TPCN1: variants seen among roughly 807,000 people sequenced by gnomAD.
TPCN1 encodes two pore channel protein 1.
Under a neutral mutation model 108.8 loss-of-function variants are expected in TPCN1, and 52 were observed. That is an observed-to-expected ratio of 0.48 (90% CI 0.38 to 0.60). TPCN1 has a LOEUF of 0.60. Ranked by LOEUF, TPCN1 falls within the 20% of genes least tolerant of loss-of-function variation. The probability of loss-of-function intolerance (pLI) is 0.00; values close to 1 mark genes in which losing one functional copy is unlikely to be tolerated. For missense variants in TPCN1, 806 were observed against 1,072.8 expected, an observed-to-expected ratio of 0.75 and a Z score of 3.47; for synonymous variants, 446 against 433.7, an observed-to-expected ratio of 1.03 and a Z score of -0.35.
At chr12:113,281,113 C>T (rs1439414259) in intron 15 of TPCN1, among the ~76,000 whole-genome samples, 3 of 152,002 alleles carry the variant, frequency 2.0e-5, no homozygotes, top group Non-Finnish European at 4.4e-5. Flanking sequence ...AATCTGTGCT[C>T]ACTGCAACCT....
intron 10 of TPCN1, 148 bp from the exon 11 acceptor site, chr12:113,276,771 C>CGG: frequency 1.5e-6 from 1 of 649,888 alleles, no homozygotes; most frequent in Non-Finnish European, 2.8e-6. Flanking sequence ...CTTCCTACCC[C>CGG]ATGAGGTGCA....
chr12:113,291,022 G>A, intron 23 of TPCN1, 24 bp downstream of exon 23: 1 of 1,612,120 alleles, frequency 6.2e-7, no homozygotes, highest in Non-Finnish European at 8.5e-7. Flanking sequence ...CAGCTCTGGG[G>A]GTATCTTCCC....
rs148897743 is a variant in TPCN1 at position 113,289,229 on chromosome 12, C to A, written c.1796+382C>A. Among the ~76,000 whole-genome samples, 2 of 152,204 alleles carry A rather than the reference C, an allele frequency of 1.3e-5. No homozygotes were observed. Among genetic ancestry groups the A allele is most frequent in the African/African-American group, 4.8e-5 (2 of 41,444 alleles). On this transcript the variant is annotated intron_variant, in intron 21 of 27. Coordinates refer to ENST00000335509, the MANE Select transcript of TPCN1 (RefSeq NM_017901.6). This position sits in a 1 kb window ranked among gnomAD's most constrained non-coding sequence, Gnocchi z 4.1. Reference sequence around the variant, plus strand: ...CATCGTAGGATAAGACAGACGGACACGTGCAGGAAGGTCATGGTGCTCAGG... The same window carrying A: ...CATCGTAGGATAAGACAGACGGACAAGTGCAGGAAGGTCATGGTGCTCAGG...
chr12:113,222,593 A>G (rs1953283717), intron 1 of TPCN1, among the ~76,000 whole-genome samples: 1 of 152,258 alleles, frequency 6.6e-6, no homozygotes, highest in African/African-American at 2.4e-5. Flanking sequence ...GGGCAAAGGC[A>G]GTACAGGCAG....
rs768328570 is a variant in TPCN1 at position 113,296,083 on chromosome 12, G to A, written c.*7G>A. On this transcript the variant is annotated 3_prime_UTR_variant, in exon 28 of 28. Coordinates refer to ENST00000335509, the MANE Select transcript of TPCN1 (RefSeq NM_017901.6). ...CTCCCAGACCGTTACCTAGCCCAGCGCCCGAAAGCCGTCTCTTCTATGCAA... is the reference window on the plus strand; with the variant it reads ...CTCCCAGACCGTTACCTAGCCCAGCACCCGAAAGCCGTCTCTTCTATGCAA... The A allele has an allele frequency of 1.9e-5, 30 of 1,612,108 alleles. No individual in the cohort carries two copies. The South Asian group carries it at 1.9e-4, about 10-fold the overall frequency.
chr12:113,292,151 G>A (rs2303616), intron 25 of TPCN1, 193 bp downstream of exon 25: 53,571 of 583,470 alleles, frequency 0.092, 3,199 homozygotes, highest in East Asian at 0.23. Context: ...GTCAGAAAAC[G>A]TAATCTAACT....
At position 113,287,077 on chromosome 12, in the gene TPCN1, C is replaced by T. The variant is rs763873218; in HGVS notation, c.1617C>T (p.Arg539=). Residue 539 remains arginine (R), a synonymous_variant, in exon 19 of 28, where the codon CGC becomes CGT. Transcript: ENST00000335509. ...CCTTCTATTTCATCGTGGTCCTGCGCCCCCTCCAGCTGCTGAGGTGATGGG... is the reference window on the plus strand; with the variant it reads ...CCTTCTATTTCATCGTGGTCCTGCGTCCCCTCCAGCTGCTGAGGTGATGGG... ...MEPFYFIVVL[R]PLQLLRLFKL... is the part of the protein sequence containing the mutation. 6.2e-6 allele frequency: 10 copies of T among 1,613,416 alleles called. No individual in the cohort carries two copies. In the Admixed American group the frequency reaches 8.3e-5, roughly 13 times the overall value.
chr12:113,267,964 G>T lies in TPCN1; in HGVS notation c.528+8G>T, dbSNP rs1955335167. On this transcript the variant is annotated splice_region_variant and intron_variant, in intron 5 of 27. Transcript: ENST00000335509. ...AAGCGGACCATGGTCAAGGTGATGT[G>T]TCCGCCCATCTGTCCCTCCCCTCAC... 3 of 1,592,670 alleles carry T rather than the reference G, an allele frequency of 1.9e-6. No individual in the cohort carries two copies. Among genetic ancestry groups the T allele is most frequent in the Non-Finnish European group, 2.6e-6 (3 of 1,162,840 alleles).
Position 113,280,195 on chromosome 12 carries a change from TGTAA to T in TPCN1, c.1342+3_1342+6del. ...GTCCAAGGCCTTCCAGTATTTCATGTGTAAGTGTGAAATATCTCCACTCTAGGCC... is the reference window on the plus strand; with the variant it reads ...GTCCAAGGCCTTCCAGTATTTCATGTGTGTGAAATATCTCCACTCTAGGCC... On this transcript the variant is annotated splice_donor_variant and splice_donor_region_variant and intron_variant, in intron 15 of 27. Transcript: ENST00000335509. LOFTEE classifies it high-confidence loss of function. 1.9e-6 allele frequency: 3 copies of T among 1,608,196 alleles called. No homozygotes were observed. Among genetic ancestry groups the T allele is most frequent in the Non-Finnish European group, 2.6e-6 (3 of 1,175,058 alleles).
intron 13 of TPCN1, 49 bp downstream of exon 13, chr12:113,278,286 C>T (rs373706061): frequency 8.3e-6 from 13 of 1,557,640 alleles, no homozygotes; most frequent in South Asian, 1.1e-5. Context: ...GAGGTCCCCA[C>T]GTGGGGCAGT....
At chr12:113,286,040 C>A in intron 18 of TPCN1, 79 bp downstream of exon 18, 1 of 1,299,594 alleles carries the variant, frequency 7.7e-7, no homozygotes, top group Non-Finnish European at 1.1e-6. Context: ...CACCCTGATC[C>A]CGGGCCATTT....
In TPCN1 at chr12:113,232,413, A is replaced by C. The variant is rs1953722751; in HGVS notation, c.112+5449A>C. Among the ~76,000 whole-genome samples the C allele has an allele frequency of 6.6e-6, 1 of 152,230 alleles. No individual in the cohort carries two copies. Among genetic ancestry groups the C allele is most frequent in the Non-Finnish European group, 1.5e-5 (1 of 68,024 alleles). ...AAGGTGGGCCAGAGCTGTTGGCCGC[A>C]GGGCCGCCGTAGCCAGGAGGAGTTG... On this transcript the variant is annotated intron_variant, in intron 2 of 27. Transcript: ENST00000335509. This position sits in a 1 kb window ranked among gnomAD's most constrained non-coding sequence, Gnocchi z 5.6.
At chr12:113,252,861 G>A (rs529256006) in intron 2 of TPCN1, among the ~76,000 whole-genome samples, 1 of 152,302 alleles carries the variant, frequency 6.6e-6, no homozygotes, top group South Asian at 2.1e-4. Flanking sequence ...TTGGGATCAG[G>A]GTAGGGAATG....
Position 113,266,095 on chromosome 12 carries a change from T to A in TPCN1, c.238-85T>A. 1 of 1,482,972 alleles carries A rather than the reference T, an allele frequency of 6.7e-7. No homozygotes were observed. Among genetic ancestry groups the A allele is most frequent in the Non-Finnish European group, 9.2e-7 (1 of 1,081,258 alleles). The allele number at this position is 1,482,972 out of a possible 1,614,324, so 91.9% of individuals were successfully genotyped here. On this transcript the variant is annotated intron_variant, in intron 3 of 27. Transcript: ENST00000335509. This position sits in a 1 kb window ranked among gnomAD's most constrained non-coding sequence, Gnocchi z 4.2. Reference sequence around the variant, plus strand: ...AATCTCTCCTCGCCTGCCTGGGGCCTTCCTTTCCTCCCCTGCCCGCGGCTC... The same window carrying A: ...AATCTCTCCTCGCCTGCCTGGGGCCATCCTTTCCTCCCCTGCCCGCGGCTC...
chr12:113,286,087 G>C, intron 18 of TPCN1, 126 bp downstream of exon 18: 1 of 823,068 alleles, frequency 1.2e-6, no homozygotes, highest in Non-Finnish European at 2.0e-6. Flanking sequence ...GATGGGCTGA[G>C]GCCTATGTCT....
intron 19 of TPCN1, 34 bp downstream of exon 19, chr12:113,287,128 AAG>A (rs1956110220): frequency 6.4e-7 from 1 of 1,557,842 alleles, no homozygotes; most frequent in Non-Finnish European, 8.8e-7. Flanking sequence ...GACAGGGAGA[AAG>A]AGAGGGAGGA....
intron 25 of TPCN1, chr12:113,292,730 C>A: frequency 1.8e-6 from 1 of 551,080 alleles, no homozygotes. Flanking sequence ...TAACAGCTGC[C>A]AGCTAGACCT....
intron 2 of TPCN1, among the ~76,000 whole-genome samples, chr12:113,236,661 C>T (rs1218508655): frequency 6.6e-6 from 1 of 151,878 alleles, no homozygotes; most frequent in African/African-American, 2.4e-5. Context: ...GAGACCCACA[C>T]CCTGGACGGG....
In TPCN1 at chr12:113,268,939, C is replaced by T. The variant is rs948953009; in HGVS notation, c.659+67C>T. 9.4e-6 allele frequency: 15 copies of T among 1,591,916 alleles called. No homozygotes were observed. Among genetic ancestry groups the T allele is most frequent in the African/African-American group, 1.3e-5 (1 of 74,476 alleles). ...TGGCCTGACCTCTGGGCCAGTGGGG[C>T]AGGAGCTTGTGAGTCAGTTAGTGAT... On this transcript the variant is annotated intron_variant, in intron 6 of 27. Coordinates refer to ENST00000335509, the MANE Select transcript of TPCN1 (RefSeq NM_017901.6). The surrounding 1 kb of genome is among the most constrained non-coding windows in gnomAD (Gnocchi z 7.3).
Sources: allele counts gnomAD v4.1 joint callset (sites outside exome capture counted in the v4.1 genomes callset), GRCh38; gene constraint gnomAD v4.1.1; non-coding constraint Gnocchi (gnomAD v3.1); transcripts MANE v1.5; gene names NCBI Gene and HGNC (gene_info 2026-07-23, HGNC 2026-07-21).